KIAA1586: variants seen among roughly 807,000 people sequenced by gnomAD.
KIAA1586 encodes E3 SUMO-protein ligase KIAA1586.
KIAA1586 carries 5 observed loss-of-function variants against 6.1 expected under a neutral mutation model. That is an observed-to-expected ratio of 0.82 (90% CI 0.43 to 1.73). KIAA1586 has a LOEUF of 1.73. Among genes scored for constraint, KIAA1586 ranks in the 40% most tolerant of loss-of-function variants. The pLI, the probability that KIAA1586 is intolerant of heterozygous loss-of-function variation, is 0.02. For missense variants in KIAA1586, 899 were observed against 878.2 expected (o/e 1.02, Z -0.30); for synonymous variants, 280 against 301.7 (o/e 0.93, Z 0.75).
At chr6:57,065,633 C>T in the KIAA1586 span, among the ~76,000 whole-genome samples, 51 of 152,118 alleles carry the variant, frequency 3.4e-4, no homozygotes, top group African/African-American at 1.2e-3. Context: ...ACTATAGGCT[C>T]ACACCACCAC....
In KIAA1586 at chr6:57,055,066, G is replaced by T. The variant is rs1828474529; in HGVS notation, c.*203G>T. 4.2e-6 allele frequency: 2 copies of T among 479,622 alleles called. No individual in the cohort carries two copies. Among genetic ancestry groups the T allele is most frequent in the Non-Finnish European group, 7.1e-6 (2 of 281,376 alleles). 29.7% of individuals were successfully genotyped at this position (479,622 alleles called of 1,614,324 possible). On this transcript the variant is annotated 3_prime_UTR_variant, in exon 4 of 4. Transcript: ENST00000370733. ...GATTGGCCCATGTTTGCTAGAGTGGGTCATAATACATATTCCATGAAGTTC... is the reference window on the plus strand; with the variant it reads ...GATTGGCCCATGTTTGCTAGAGTGGTTCATAATACATATTCCATGAAGTTC...
chr6:57,051,727 A>T (rs1371010218), intron 3 of KIAA1586, among the ~76,000 whole-genome samples: 1 of 152,194 alleles, frequency 6.6e-6, no homozygotes, highest in Non-Finnish European at 1.5e-5. Flanking sequence ...TGAGGTCAGG[A>T]GTTCGAGACC....
downstream of KIAA1586, among the ~76,000 whole-genome samples, chr6:57,056,424 G>A (rs1828499410): frequency 6.6e-6 from 1 of 150,720 alleles, no homozygotes; most frequent in South Asian, 2.1e-4. Context: ...GGCCAGGCTG[G>A]TCTCAAACTC....
Position 57,054,268 on chromosome 6 carries a change from T to C in KIAA1586, c.1769T>C (p.Ile590Thr), listed in dbSNP as rs537616118. Residue 590 changes from isoleucine to threonine, a missense_variant, in exon 4 of 4, where the codon ATT becomes ACT. Ile to Thr is a moderately conservative substitution (Grantham distance 89). Coordinates refer to ENST00000370733, the MANE Select transcript of KIAA1586 (RefSeq NM_020931.4). ...ATCAAGTCAGATAAGTTTAAAGATA[T>C]TCCATTTAATAAAAACAATAAATTT... ...DLIKSDKFKD[I>T]PFNKNNKFNA... 7.4e-5 allele frequency: 117 copies of C among 1,584,252 alleles called. 2 individuals carry two copies. The Admixed American group carries it at 2.1e-3, about 28-fold the overall frequency.
chr6:57,053,503 A>C lies in KIAA1586; in HGVS notation c.1004A>C (p.Gln335Pro), dbSNP rs760788286. 1 of 1,613,630 alleles carries C rather than the reference A, an allele frequency of 6.2e-7. No individual in the cohort carries two copies. The highest frequency in any genetic ancestry group is 8.5e-7 in the Non-Finnish European group (1 of 1,179,794). The part of the protein sequence containing the change: ...SKKTTLVIYL[Q>P]CTIQSAPAPV... Reference sequence around the variant, plus strand: ...AAAACCACCCTAGTGATTTATCTCCAGTGCACAATTCAGTCAGCTCCTGCA... The same window carrying C: ...AAAACCACCCTAGTGATTTATCTCCCGTGCACAATTCAGTCAGCTCCTGCA... Residue 335 changes from glutamine to proline, a missense_variant, in exon 4 of 4, where the codon CAG (glutamine) becomes CCG (proline). Transcript: ENST00000370733.
chr6:57,048,459 A>G (rs959238332), intron 2 of KIAA1586, among the ~76,000 whole-genome samples: 1 of 152,192 alleles, frequency 6.6e-6, no homozygotes, highest in Non-Finnish European at 1.5e-5. Context: ...CTTTCTGGAC[A>G]TATTTCCCAA....
At position 57,053,844 on chromosome 6, in the gene KIAA1586, T is replaced by G. The variant is rs140387788; in HGVS notation, c.1345T>G (p.Ser449Ala). ...HLKIFIDKIY[S>A]IYHQPNKNQT... is the part of the protein sequence containing the mutation. The stretch of plus-strand genomic sequence containing the variant: ...AAAAATATTTATTGATAAAATTTAT[T>G]CTATTTATCATCAACCTAATAAAAA... Residue 449 changes from serine (S) to alanine (A), a missense_variant, in exon 4 of 4, where the codon TCT becomes GCT. Transcript: ENST00000370733. 2.7e-6 allele frequency: 4 copies of G among 1,508,138 alleles called. No individual in the cohort carries two copies. Among genetic ancestry groups the G allele is most frequent in the Non-Finnish European group, 3.6e-6 (4 of 1,117,804 alleles). 93.4% of individuals were successfully genotyped at this position (1,508,138 alleles called of 1,614,324 possible).
chr6:57,059,915 C>T (rs1828544146), downstream of KIAA1586, among the ~76,000 whole-genome samples: 1 of 152,162 alleles, frequency 6.6e-6, no homozygotes, highest in Non-Finnish European at 1.5e-5. Flanking sequence ...CTGTCTCTTT[C>T]ACCTCTCCTA....
chr6:57,050,404 A>G (rs900995766), intron 2 of KIAA1586, among the ~76,000 whole-genome samples: 5 of 151,334 alleles, frequency 3.3e-5, no homozygotes, highest in African/African-American at 4.9e-5. Flanking sequence ...TGTAGCCCCA[A>G]CTTCCTGGGC....
chr6:57,052,009 C>T (rs1043837886), intron 3 of KIAA1586, among the ~76,000 whole-genome samples: 13 of 152,026 alleles, frequency 8.6e-5, no homozygotes, highest in Admixed American at 4.6e-4. Context: ...TTCATTAGTT[C>T]GGAAAGATGT....
At position 57,054,934 on chromosome 6, in the gene KIAA1586, T is replaced by A; in HGVS notation, c.*71T>A. 7.2e-7 allele frequency: 1 copy of A among 1,387,442 alleles called. No individual in the cohort carries two copies. 85.9% of individuals were successfully genotyped at this position (1,387,442 alleles called of 1,614,324 possible). On this transcript the variant is annotated 3_prime_UTR_variant, in exon 4 of 4. Transcript: ENST00000370733. ...TCCTTTATATACATAAAGGTCTTTT[T>A]TTTTTTTGGAAAGCCAGTTAAACTT...
rs1403605036 is a variant in KIAA1586 at position 57,052,986 on chromosome 6, G to C, written c.487G>C (p.Asp163His). The C allele has an allele frequency of 6.2e-7, 1 of 1,613,860 alleles. No homozygotes were observed. Among genetic ancestry groups the C allele is most frequent in the Non-Finnish European group, 8.5e-7 (1 of 1,179,890 alleles). ...AAAAGAAGGTAAATTAGGATGTAAG[G>C]ATTGTTCAGCAGTTCGGCATTTGGG... The part of the protein sequence containing the change: ...EIKEGKLGCK[D>H]CSAVRHLGSK... Residue 163 changes from aspartate to histidine, a missense_variant, in exon 4 of 4, where the codon GAT becomes CAT. Coordinates refer to ENST00000370733, the MANE Select transcript of KIAA1586 (RefSeq NM_020931.4).
At chr6:57,064,001 CA>C in the KIAA1586 span, among the ~76,000 whole-genome samples, 1 of 152,144 alleles carries the variant, frequency 6.6e-6, no homozygotes, top group Admixed American at 6.5e-5. Flanking sequence ...GGTGAGCACA[CA>C]GAGACATGTG....
Position 57,054,541 on chromosome 6 carries a change from C to A in KIAA1586, c.2042C>A (p.Ser681Ter). 1.2e-6 allele frequency: 2 copies of A among 1,600,122 alleles called. No individual in the cohort carries two copies. The highest frequency in any genetic ancestry group is 2.2e-5 in the South Asian group (2 of 88,976). Residue 681 changes from serine (S) to a stop codon, truncating the protein, a stop_gained, in exon 4 of 4, where the codon TCA becomes TAA. Transcript: ENST00000370733. LOFTEE classifies it low-confidence loss of function (END_TRUNC). Reference sequence around the variant, plus strand: ...GAATTTGTAAATAATAATATAAAATCAAACAATGTTTCAATTCCTACAACT... The same window carrying A: ...GAATTTGTAAATAATAATATAAAATAAAACAATGTTTCAATTCCTACAACT... ...FREFVNNNIK[S>*]NNVSIPTTIY... is the part of the protein sequence containing the mutation.
At chr6:57,059,532 A>G (rs1197567223), downstream of KIAA1586, among the ~76,000 whole-genome samples, 2 of 150,752 alleles carry the variant, frequency 1.3e-5, no homozygotes, top group South Asian at 2.1e-4. Context: ...CAGAGCTTAC[A>G]GTGAGCCGAG....
chr6:57,062,273 A>G, the KIAA1586 span, among the ~76,000 whole-genome samples: 1 of 152,196 alleles, frequency 6.6e-6, no homozygotes, highest in African/African-American at 2.4e-5. Context: ...GATTGTCTCC[A>G]TTTGACAATT....
Position 57,054,534 on chromosome 6 carries a change from A to C in KIAA1586, c.2035A>C (p.Ile679Leu), listed in dbSNP as rs567052118. The change falls in exon 4 of 4, where the codon ATA becomes CTA. Residue 679 changes from isoleucine to leucine, a missense_variant. Physicochemically the swap from Ile to Leu is conservative, Grantham distance 5 (BLOSUM62 2). Coordinates refer to ENST00000370733, the MANE Select transcript of KIAA1586 (RefSeq NM_020931.4). ...NDFREFVNNN[I>L]KSNNVSIPTT... ...TTTTCGGGAATTTGTAAATAATAATATAAAATCAAACAATGTTTCAATTCC... is the reference window on the plus strand; with the variant it reads ...TTTTCGGGAATTTGTAAATAATAATCTAAAATCAAACAATGTTTCAATTCC... 1 of 1,599,060 alleles carries C rather than the reference A, an allele frequency of 6.3e-7. No homozygotes were observed. Among genetic ancestry groups the C allele is most frequent in the Non-Finnish European group, 8.5e-7 (1 of 1,172,538 alleles).
At chr6:57,057,842 C>G (rs1003826890), downstream of KIAA1586, among the ~76,000 whole-genome samples, 3 of 152,010 alleles carry the variant, frequency 2.0e-5, no homozygotes, top group African/African-American at 7.2e-5. Context: ...CTTGCTTTGT[C>G]GCCCAGGCAG....
chr6:57,057,751 CA>C (rs540828091), downstream of KIAA1586, among the ~76,000 whole-genome samples: 2 of 140,180 alleles, frequency 1.4e-5, no homozygotes, highest in South Asian at 2.2e-4. Flanking sequence ...GACTCCAAGT[CA>C]AAAAAAAACA....
Sources: gnomAD v4.1 joint callset for allele counts (sites outside exome capture counted in the v4.1 genomes callset) on GRCh38, gnomAD v4.1.1 for gene constraint, MANE v1.5 for transcripts, NCBI Gene and HGNC (gene_info 2026-07-23, HGNC 2026-07-21) for gene names.